DOCK7: variants seen among roughly 807,000 people sequenced by gnomAD.
DOCK7 encodes dedicator of cytokinesis protein 7.
In DOCK7, 138 loss-of-function variants were observed where a neutral mutation model predicts 271.0. The ratio of observed to expected loss-of-function variants is 0.51; its 90% confidence interval spans 0.44 to 0.59. DOCK7 has a LOEUF of 0.59. DOCK7 is among the 20% of genes least tolerant of loss of function. DOCK7 has a pLI of 0.00. For missense variants in DOCK7, 2,066 were observed against 2,592.4 expected, an observed-to-expected ratio of 0.80 and a Z score of 4.41; for synonymous variants, 823 against 876.1, an observed-to-expected ratio of 0.94 and a Z score of 1.07.
intron 49 of DOCK7, among the ~76,000 whole-genome samples, chr1:62,456,884 T>C (rs547761212): frequency 7.9e-5 from 12 of 152,292 alleles, no homozygotes; most frequent in Middle Eastern, 3.4e-3. Flanking sequence ...ATGTTTCCCA[T>C]TGGGAATTTT....
At chr1:62,685,526 T>C (rs1661630116) in intron 1 of DOCK7, among the ~76,000 whole-genome samples, 9 of 152,098 alleles carry the variant, frequency 5.9e-5, no homozygotes, top group Admixed American at 5.9e-4. Context: ...GACAATCTCA[T>C]CAACCCCCAC....
At chr1:62,573,686 A>G (rs182410870) in intron 18 of DOCK7, among the ~76,000 whole-genome samples, 164 of 152,330 alleles carry the variant, frequency 1.1e-3, no homozygotes, top group African/African-American at 3.6e-3. Flanking sequence ...TTTTCAGGAC[A>G]CTGTGAATAT....
chr1:62,547,192 A>AC (rs1645739850), intron 22 of DOCK7, among the ~76,000 whole-genome samples: 1 of 152,198 alleles, frequency 6.6e-6, no homozygotes, highest in South Asian at 2.1e-4. Flanking sequence ...AGTTGTAATT[A>AC]CACTAGTCAA....
intron 43 of DOCK7, chr1:62,482,031 TCTCAAC>T (rs1312903168): frequency 1.3e-5 from 2 of 152,232 alleles, no homozygotes; most frequent in Non-Finnish European, 2.9e-5. Context: ...TAGATGCAGA[TCTCAAC>T]TGGGAAATAT....
chr1:62,667,037 C>T (rs1187546562), intron 1 of DOCK7, among the ~76,000 whole-genome samples: 1 of 152,212 alleles, frequency 6.6e-6, no homozygotes, highest in East Asian at 1.9e-4. Flanking sequence ...GACCCACATT[C>T]CGAGAGAAAA....
Position 62,510,655 on chromosome 1 carries a change from C to T in DOCK7, c.4301G>A (p.Ser1434Asn). ...CAAATTTTCTTGACTTCCAAAGGCA[C>T]TTCCAGATGGGCTTCTCTCTGTCAA... ...ASPPERSPSG[S>N]AFGSQENLRW... The change falls in exon 34 of 50, where the codon AGT becomes AAT. Residue 1434 changes from serine to asparagine, a missense_variant. This residue lies in a region of DOCK7 where 652 missense variants were observed against 922.1 expected (regional missense o/e 0.71). Coordinates refer to ENST00000635253, the MANE Select transcript of DOCK7 (RefSeq NM_001367561.1). 1 of 1,613,132 alleles carries T rather than the reference C, an allele frequency of 6.2e-7. No homozygotes were observed. The highest frequency in any genetic ancestry group is 8.5e-7 in the Non-Finnish European group (1 of 1,179,478).
chr1:62,537,964 G>GT lies in DOCK7; in HGVS notation c.3397dup (p.Thr1133AsnfsTer43). 3 of 1,614,072 alleles carry GT rather than the reference G, an allele frequency of 1.9e-6. No individual in the cohort carries two copies. Among genetic ancestry groups the GT allele is most frequent in the Non-Finnish European group, 2.5e-6 (3 of 1,179,974 alleles). On this transcript the variant is annotated frameshift_variant, in exon 28 of 50. Transcript: ENST00000635253. LOFTEE classifies it high-confidence loss of function. ...AAGTAAGCTGCAGGGTAAGTTTAATGTAACATAGTGCTCATGACTGCAGAT... is the reference window on the plus strand; with the variant it reads ...AAGTAAGCTGCAGGGTAAGTTTAATGTTAACATAGTGCTCATGACTGCAGAT...
intron 14 of DOCK7, among the ~76,000 whole-genome samples, chr1:62,594,917 G>A (rs1648997833): frequency 6.6e-6 from 1 of 152,114 alleles, no homozygotes; most frequent in Non-Finnish European, 1.5e-5. Flanking sequence ...TTAATTAAGA[G>A]AAGTTTTGAA....
chr1:62,510,177 G>C (rs1358492916), intron 34 of DOCK7, among the ~76,000 whole-genome samples: 1 of 152,176 alleles, frequency 6.6e-6, no homozygotes, highest in Non-Finnish European at 1.5e-5. Flanking sequence ...CTTTATGCTA[G>C]AAACAGAAGA....
At chr1:62,639,208 T>G (rs1655668302) in intron 7 of DOCK7, among the ~76,000 whole-genome samples, 1 of 152,040 alleles carries the variant, frequency 6.6e-6, no homozygotes. Context: ...CCTTTGTATT[T>G]TCATATAAAT....
intron 10 of DOCK7, 94 bp downstream of exon 10, chr1:62,633,404 A>C (rs1247533216): frequency 1.1e-6 from 1 of 928,240 alleles, no homozygotes; most frequent in Non-Finnish European, 1.7e-6. Context: ...AAAGCTATTA[A>C]TTGCTATTGC....
At chr1:62,688,138 C>A in intron 1 of DOCK7, 89 bp downstream of exon 1, 5 of 1,214,406 alleles carry the variant, frequency 4.1e-6, no homozygotes, top group South Asian at 3.1e-5. Context: ...GGCCCCGCCA[C>A]ACCCACCCGC....
chr1:62,553,309 ATT>A (rs775716298), intron 21 of DOCK7, among the ~76,000 whole-genome samples: 29 of 34,496 alleles, frequency 8.4e-4, no homozygotes, highest in African/African-American at 2.6e-3. Flanking sequence ...AATAAAAAGT[ATT>A]TTATATATAT....
intron 49 of DOCK7, among the ~76,000 whole-genome samples, chr1:62,456,636 C>T (rs781225738): frequency 9.7e-4 from 148 of 152,012 alleles, no homozygotes; most frequent in Non-Finnish European, 1.9e-3. Context: ...GGCAAAAACT[C>T]GGATGTTGTA....
In DOCK7 at chr1:62,578,867, T is replaced by C; in HGVS notation, c.1971A>G (p.Gln657=). The C allele has an allele frequency of 1.2e-6, 2 of 1,609,044 alleles. No individual in the cohort carries two copies. Among genetic ancestry groups the C allele is most frequent in the Non-Finnish European group, 1.7e-6 (2 of 1,178,356 alleles). ...GTGTTTCAAGAGGAGTATTTTGTTT[T>C]TGTTGACAACTAACATGATAAAAAG... ...LFTFYHVSCQ[Q]KQNTPLETPV... The change falls in exon 17 of 50, where the codon CAA becomes CAG. Residue 657 remains glutamine (Q), a synonymous_variant. Transcript: ENST00000635253.
chr1:62,686,796 G>A (rs1346486458), intron 1 of DOCK7, among the ~76,000 whole-genome samples: 10 of 152,088 alleles, frequency 6.6e-5, no homozygotes, highest in African/African-American at 2.2e-4. Flanking sequence ...AACCCATGTC[G>A]GGGTCTGAGA....
intron 48 of DOCK7, among the ~76,000 whole-genome samples, chr1:62,465,963 C>T (rs1250562454): frequency 2.0e-5 from 3 of 152,132 alleles, no homozygotes; most frequent in African/African-American, 7.2e-5. Flanking sequence ...AGTCATTACA[C>T]GACAAGGCAA....
intron 23 of DOCK7, among the ~76,000 whole-genome samples, chr1:62,544,529 A>C (rs1236736222): frequency 6.6e-6 from 1 of 152,220 alleles, no homozygotes; most frequent in Non-Finnish European, 1.5e-5. Flanking sequence ...GAAAATAACA[A>C]GATAGTAAAT....
chr1:62,677,621 GTC>G (rs1449291635), intron 1 of DOCK7, among the ~76,000 whole-genome samples: 1 of 151,840 alleles, frequency 6.6e-6, no homozygotes, highest in Non-Finnish European at 1.5e-5. Context: ...TGCCAAGGGG[GTC>G]CAAATGATGC....
Sources: gnomAD v4.1 joint callset for allele counts (sites outside exome capture counted in the v4.1 genomes callset) on GRCh38, gnomAD v4.1.1 for gene constraint, gnomAD v4.1.1 regional missense constraint, MANE v1.5 for transcripts, NCBI Gene and HGNC (gene_info 2026-07-23, HGNC 2026-07-21) for gene names.